KCNK2: variants seen among roughly 807,000 people sequenced by gnomAD.
KCNK2 encodes potassium channel subfamily K member 2.
A neutral mutation model predicts 40.5 loss-of-function variants in KCNK2; 21 were observed. That is an observed-to-expected ratio of 0.52 (90% confidence interval 0.37 to 0.75). The LOEUF (loss-of-function observed/expected upper bound fraction) is 0.75, where lower values mean the gene tolerates loss of function less well. KCNK2 is among the 30% of genes least tolerant of loss of function. The probability of loss-of-function intolerance (pLI) is 0.00; values close to 1 mark genes in which losing one functional copy is unlikely to be tolerated. For synonymous variants in KCNK2, 191 were observed against 202.2 expected (o/e 0.94, Z 0.47); for missense variants, 399 against 531.6 (o/e 0.75, Z 2.45).
rs1180827449 is a variant in KCNK2 at position 215,086,641 on chromosome 1, C to T, written c.320C>T (p.Ser107Phe). The change falls in exon 2 of 7, where the codon TCC becomes TTC. Residue 107 changes from serine to phenylalanine, a missense_variant. Physicochemically the swap from Ser to Phe is radical, Grantham distance 155 (BLOSUM62 -2). Transcript: ENST00000444842. ...IQKQTFISQH[S>F]CVNSTELDEL... ...AAGCAAACATTCATATCCCAACATT[C>T]CTGTGTCAATTCGACGGAGCTGGAT... 1 of 1,614,130 alleles carries T rather than the reference C, an allele frequency of 6.2e-7. No individual in the cohort carries two copies. Among genetic ancestry groups the T allele is most frequent in the South Asian group, 1.1e-5 (1 of 91,074 alleles).
chr1:215,165,220 G>A (rs536957961), intron 3 of KCNK2, among the ~76,000 whole-genome samples: 116 of 152,228 alleles, frequency 7.6e-4, no homozygotes, highest in Middle Eastern at 3.4e-3. Flanking sequence ...CATCAGAATA[G>A]GTCTGTTTCC....
At chr1:215,131,999 A>G (rs1661700034) in intron 3 of KCNK2, among the ~76,000 whole-genome samples, 1 of 152,236 alleles carries the variant, frequency 6.6e-6, no homozygotes, top group Admixed American at 6.5e-5. Context: ...ATGCTTAAGT[A>G]ATTACGAAAA....
intron 1 of KCNK2, among the ~76,000 whole-genome samples, chr1:215,058,535 G>A (rs995491111): frequency 2.6e-5 from 4 of 152,074 alleles, no homozygotes; most frequent in Admixed American, 1.3e-4. Context: ...ACTACCACAA[G>A]GATTTCTATA....
intron 1 of KCNK2, among the ~76,000 whole-genome samples, chr1:215,009,256 G>A (rs1656291915): frequency 1.3e-5 from 2 of 152,060 alleles, no homozygotes; most frequent in Admixed American, 6.6e-5. Context: ...CACTTGGGCA[G>A]AACCACCATT....
chr1:215,232,160 T>C (rs1266346067), intron 6 of KCNK2, among the ~76,000 whole-genome samples: 1 of 152,202 alleles, frequency 6.6e-6, no homozygotes, highest in Non-Finnish European at 1.5e-5. Context: ...TGAAGTGTTA[T>C]TTGTAACAGC....
chr1:215,030,653 G>A (rs527778334), intron 1 of KCNK2, among the ~76,000 whole-genome samples: 191 of 151,136 alleles, frequency 1.3e-3, no homozygotes, highest in African/African-American at 4.6e-3. Flanking sequence ...TCCCACCTCA[G>A]CCTCCCGAGT....
intron 1 of KCNK2, among the ~76,000 whole-genome samples, chr1:215,016,669 A>G (rs1656598859): frequency 6.6e-6 from 1 of 152,172 alleles, no homozygotes; most frequent in Non-Finnish European, 1.5e-5. Flanking sequence ...AACATGGGAA[A>G]ACTGCATGAC....
At chr1:215,009,559 A>G (rs184588598) in intron 1 of KCNK2, among the ~76,000 whole-genome samples, 167 of 152,144 alleles carry the variant, frequency 1.1e-3, no homozygotes, top group African/African-American at 2.6e-3. Flanking sequence ...GAGTTGTCCA[A>G]TGAAAATGGT....
At chr1:215,103,517 C>G (rs974414918) in intron 2 of KCNK2, among the ~76,000 whole-genome samples, 18 of 151,972 alleles carry the variant, frequency 1.2e-4, no homozygotes, top group Non-Finnish European at 1.5e-4. Flanking sequence ...TTCCTATTTT[C>G]TCTCTGGTTA....
chr1:215,148,525 G>A lies in KCNK2; in HGVS notation c.476-20674G>A, dbSNP rs190445658. Among the ~76,000 whole-genome samples the A allele has an allele frequency of 3.8e-3, 579 of 151,882 alleles. 5 individuals carry two copies. The highest frequency in any genetic ancestry group is 4.5e-3 in the Non-Finnish European group (305 of 67,972). ...ATATGTCTATTCAATTAAAATATGC[G>A]GTATTAATAAAAACCTATAGATTGC... On this transcript the variant is annotated intron_variant, in intron 3 of 6. Transcript: ENST00000444842.
intron 5 of KCNK2, among the ~76,000 whole-genome samples, chr1:215,194,440 G>A (rs981064619): frequency 7.2e-5 from 11 of 152,254 alleles, no homozygotes; most frequent in Admixed American, 6.5e-5. Context: ...GCATTTGTTA[G>A]TGATTCATTG....
At chr1:215,192,434 C>T (rs539311945) in intron 5 of KCNK2, among the ~76,000 whole-genome samples, 1 of 152,286 alleles carries the variant, frequency 6.6e-6, no homozygotes, top group African/African-American at 2.4e-5. Flanking sequence ...TCTTTTCAAA[C>T]TGTGACATCC....
chr1:215,136,146 C>G (rs915529869), intron 3 of KCNK2, among the ~76,000 whole-genome samples: 15 of 151,770 alleles, frequency 9.9e-5, no homozygotes, highest in Non-Finnish European at 2.1e-4. Flanking sequence ...ACTCTGTCGC[C>G]CAGGTGTAGC....
intron 5 of KCNK2, among the ~76,000 whole-genome samples, chr1:215,191,492 A>G (rs957674738): frequency 2.0e-5 from 3 of 151,958 alleles, no homozygotes; most frequent in Admixed American, 2.0e-4. Flanking sequence ...CCTGAGCTAT[A>G]TTTTTTGTAG....
At chr1:215,122,607 TTAAAG>T (rs1661235697) in intron 2 of KCNK2, among the ~76,000 whole-genome samples, 2 of 152,182 alleles carry the variant, frequency 1.3e-5, no homozygotes, top group Admixed American at 6.5e-5. Flanking sequence ...TATCACTTCA[TTAAAG>T]ATAAATGTCA....
chr1:215,085,279 T>C (rs1659380136), intron 1 of KCNK2, among the ~76,000 whole-genome samples: 1 of 152,228 alleles, frequency 6.6e-6, no homozygotes, highest in Admixed American at 6.5e-5. Context: ...TTTGAGTTGA[T>C]GGTTTTTAAA....
At chr1:215,214,620 GTT>G (rs1191351421) in intron 6 of KCNK2, among the ~76,000 whole-genome samples, 29 of 152,252 alleles carry the variant, frequency 1.9e-4, no homozygotes, top group African/African-American at 6.7e-4. Flanking sequence ...GAGCCTAGGA[GTT>G]CAGGACCAGC....
At chr1:215,155,794 C>T (rs1298530017) in intron 3 of KCNK2, among the ~76,000 whole-genome samples, 1 of 152,176 alleles carries the variant, frequency 6.6e-6, no homozygotes, top group African/African-American at 2.4e-5. Context: ...GCTGGGATTA[C>T]AGGCATGAAC....
At chr1:215,104,969 C>T (rs1660374950) in intron 2 of KCNK2, among the ~76,000 whole-genome samples, 1 of 151,916 alleles carries the variant, frequency 6.6e-6, no homozygotes, top group South Asian at 2.1e-4. Context: ...ATTTGTAGAA[C>T]CCTTTTTAGA....
Sources: allele counts gnomAD v4.1 joint callset (sites outside exome capture counted in the v4.1 genomes callset), GRCh38; gene constraint gnomAD v4.1.1; transcripts MANE v1.5; gene names NCBI Gene and HGNC (gene_info 2026-07-23, HGNC 2026-07-21).